The following PRORP variants were observed in gnomAD, a reference collection of about 807,000 sequenced individuals.
The protein encoded by PRORP is mitochondrial ribonuclease P catalytic subunit.
Under a neutral mutation model 59.4 loss-of-function variants are expected in PRORP, and 51 were observed. The ratio of observed to expected loss-of-function variants is 0.86; its 90% CI spans 0.69 to 1.08. PRORP has a LOEUF of 1.08. Ranked by LOEUF, PRORP falls within the 50% of genes least tolerant of loss-of-function variation. The probability of loss-of-function intolerance (pLI) is 0.00; values close to 1 mark genes in which losing one functional copy is unlikely to be tolerated. For missense variants in PRORP, 646 were observed against 690.3 expected, an observed-to-expected ratio of 0.94 and a Z score of 0.72; for synonymous variants, 231 against 245.6, an observed-to-expected ratio of 0.94 and a Z score of 0.55.
intron 4 of PRORP, among the ~76,000 whole-genome samples, chr14:35,149,723 G>A (rs894906587): frequency 5.9e-5 from 9 of 152,172 alleles, no homozygotes; most frequent in African/African-American, 1.9e-4. Flanking sequence ...CAGCAATAAG[G>A]CTATTTTGCT....
intron 5 of PRORP, among the ~76,000 whole-genome samples, chr14:35,184,947 A>G (rs944605395): frequency 6.6e-6 from 1 of 152,098 alleles, no homozygotes; most frequent in African/African-American, 2.4e-5. Flanking sequence ...GGTTGATTCC[A>G]TGTCTTTGCT....
rs535530595 is a variant in PRORP, at chr14:35,172,642, C to T, written c.1168-8028C>T. Among the ~76,000 whole-genome samples, 260 of 151,278 alleles carry T rather than the reference C, an allele frequency of 1.7e-3. 1 individual carries two copies. The highest frequency in any genetic ancestry group is 6.1e-3 in the African/African-American group (253 of 41,218). The stretch of plus-strand genomic sequence containing the variant: ...TCAGCTCACTGCAACCTTCGCCTCC[C>T]GGGTTCAAGCGATTCTTCTGCCTCA... On this transcript the variant is annotated intron_variant, in intron 4 of 7. Coordinates refer to ENST00000534898, the MANE Select transcript of PRORP (RefSeq NM_014672.4).
chr14:35,148,902 C>A (rs1360837002), intron 4 of PRORP, among the ~76,000 whole-genome samples: 2 of 147,404 alleles, frequency 1.4e-5, no homozygotes, highest in Admixed American at 6.8e-5. Flanking sequence ...CTACATGTTG[C>A]ACTTTTTAAT....
chr14:35,239,350 GAA>G (rs771211660), intron 5 of PRORP, among the ~76,000 whole-genome samples: 1 of 118,078 alleles, frequency 8.5e-6, no homozygotes. Flanking sequence ...TCCGTCTCAA[GAA>G]AAAAAAAAAA....
At chr14:35,221,868 G>C (rs12586302) in intron 5 of PRORP, among the ~76,000 whole-genome samples, 52,402 of 151,948 alleles carry the variant, frequency 0.34, 10,698 homozygotes, top group East Asian at 0.69. Context: ...ACCAGTAGTG[G>C]TTGTATATTA....
intron 4 of PRORP, among the ~76,000 whole-genome samples, chr14:35,155,634 A>T (rs1234536905): frequency 6.6e-6 from 1 of 151,408 alleles, no homozygotes; most frequent in African/African-American, 2.4e-5. Flanking sequence ...AAGGGAGATT[A>T]TAAAACAGTG....
intron 4 of PRORP, chr14:35,159,202 G>A (rs1313828878): frequency 1.2e-5 from 2 of 169,038 alleles, no homozygotes; most frequent in Non-Finnish European, 2.5e-5. Context: ...CCTCCAGTTT[G>A]GTCGCAGCCT....
Position 35,200,460 on chromosome 14 carries a change from G to A in PRORP, c.1275+19683G>A, listed in dbSNP as rs541580321. Reference sequence around the variant, plus strand: ...CCACCTTGGCCTCCCCAAGTGCTGGGATTACAGGTGTGAGCCACCGCGCCC... The same window carrying A: ...CCACCTTGGCCTCCCCAAGTGCTGGAATTACAGGTGTGAGCCACCGCGCCC... On this transcript the variant is annotated intron_variant, in intron 5 of 7. Coordinates refer to ENST00000534898, the MANE Select transcript of PRORP (RefSeq NM_014672.4). Among the ~76,000 whole-genome samples, 67 of 152,196 alleles carry A rather than the reference G, an allele frequency of 4.4e-4. 2 individuals carry two copies. In the South Asian group the frequency reaches 0.013, roughly 30 times the overall value.
chr14:35,215,517 A>G (rs948527288), intron 5 of PRORP, among the ~76,000 whole-genome samples: 11 of 152,190 alleles, frequency 7.2e-5, no homozygotes, highest in African/African-American at 2.7e-4. Flanking sequence ...GGTGGCTCCC[A>G]GCACTGCAGG....
chr14:35,230,937 G>C (rs1333535909), intron 5 of PRORP, among the ~76,000 whole-genome samples: 1 of 85,392 alleles, frequency 1.2e-5, no homozygotes, highest in Admixed American at 1.7e-4. Context: ...CAGGAAAAGA[G>C]AACACACACA....
At chr14:35,256,869 C>CTT (rs71121272) in intron 5 of PRORP, among the ~76,000 whole-genome samples, 4 of 136,896 alleles carry the variant, frequency 2.9e-5, no homozygotes, top group African/African-American at 1.0e-4. Flanking sequence ...TGATAAAATC[C>CTT]TTTTTTTTTT....
At chr14:35,147,090 T>A (rs1236069605) in intron 4 of PRORP, among the ~76,000 whole-genome samples, 1 of 152,134 alleles carries the variant, frequency 6.6e-6, no homozygotes, top group Non-Finnish European at 1.5e-5. Flanking sequence ...AGAGTGAGAC[T>A]CTGCCTCTAA....
At chr14:35,262,648 G>C in intron 5 of PRORP, 2 of 761,328 alleles carry the variant, frequency 2.6e-6, no homozygotes. Flanking sequence ...TGGGGAAACT[G>C]AAAGGAACTG....
At chr14:35,252,428 A>T (rs2050637046) in intron 5 of PRORP, among the ~76,000 whole-genome samples, 1 of 152,188 alleles carries the variant, frequency 6.6e-6, no homozygotes, top group Non-Finnish European at 1.5e-5. Context: ...CCTGTCTCAA[A>T]AACAAAAAAC....
chr14:35,242,054 T>C (rs560791679), intron 5 of PRORP, among the ~76,000 whole-genome samples: 19 of 152,244 alleles, frequency 1.2e-4, no homozygotes, highest in South Asian at 1.2e-3. Flanking sequence ...GCAGAAAAGG[T>C]ACACACATTT....
chr14:35,263,721 G>A (rs928068169), intron 5 of PRORP, among the ~76,000 whole-genome samples: 3 of 152,072 alleles, frequency 2.0e-5, no homozygotes, highest in Non-Finnish European at 4.4e-5. Context: ...TGGGTACTCC[G>A]TTACTAAAGG....
At chr14:35,228,649 G>T (rs1192810195) in intron 5 of PRORP, among the ~76,000 whole-genome samples, 1 of 152,136 alleles carries the variant, frequency 6.6e-6, no homozygotes, top group Admixed American at 6.5e-5. Context: ...GTTCTTTTCT[G>T]TGGCCACATA....
At chr14:35,207,032 T>A (rs1011350991) in intron 5 of PRORP, among the ~76,000 whole-genome samples, 1 of 152,188 alleles carries the variant, frequency 6.6e-6, no homozygotes, top group African/African-American at 2.4e-5. Flanking sequence ...GCTTTTAAGA[T>A]TATTAATATC....
At chr14:35,147,176 T>C (rs931578597) in intron 4 of PRORP, among the ~76,000 whole-genome samples, 2 of 152,134 alleles carry the variant, frequency 1.3e-5, no homozygotes, top group Non-Finnish European at 2.9e-5. Flanking sequence ...AAAAAATATA[T>C]ATAGATACCT....
Sources: allele counts gnomAD v4.1 joint callset (sites outside exome capture counted in the v4.1 genomes callset), GRCh38; gene constraint gnomAD v4.1.1; transcripts MANE v1.5; gene names NCBI Gene and HGNC (gene_info 2026-07-23, HGNC 2026-07-21).